RNF157: variants seen among roughly 807,000 people sequenced by gnomAD.
RNF157 encodes the protein ring finger protein 157.
Under a neutral mutation model 88.3 loss-of-function variants are expected in RNF157, and 55 were observed. The ratio of observed to expected loss-of-function variants is 0.62; its 90% CI spans 0.50 to 0.78. RNF157 has a LOEUF of 0.78. Among genes scored for constraint, RNF157 ranks in the 30% least tolerant of loss-of-function variants. The pLI, the probability that RNF157 is intolerant of heterozygous loss-of-function variation, is 0.00. For synonymous variants in RNF157, 334 were observed against 341.2 expected, an observed-to-expected ratio of 0.98 and a Z score of 0.23; for missense variants, 788 against 860.8, an observed-to-expected ratio of 0.92 and a Z score of 1.06.
Position 76,145,032 on chromosome 17 carries a change from C to A in RNF157, c.*203G>T. 1.9e-6 allele frequency: 1 copy of A among 533,452 alleles called. No individual in the cohort carries two copies. Among genetic ancestry groups the A allele is most frequent in the Non-Finnish European group, 3.3e-6 (1 of 300,750 alleles). The allele number at this position is 533,452 out of a possible 1,614,324, so 33.0% of individuals were successfully genotyped here. On this transcript the variant is annotated 3_prime_UTR_variant, in exon 19 of 19. Transcript: ENST00000269391. ...GCAAAAGGTCTCGTGAGCTGCAGTT[C>A]ATTGAGTGGCTTTAGGTCACACGGA...
At chr17:76,193,010 G>A (rs73360615) in intron 2 of RNF157, among the ~76,000 whole-genome samples, 3,792 of 151,998 alleles carry the variant, frequency 0.025, 154 homozygotes, top group African/African-American at 0.083. Flanking sequence ...TTGTAGAGAC[G>A]GGACCTCGCT....
intron 1 of RNF157, among the ~76,000 whole-genome samples, chr17:76,220,615 C>G (rs908040978): frequency 2.0e-5 from 3 of 151,878 alleles, no homozygotes; most frequent in African/African-American, 7.3e-5. Flanking sequence ...TTGAGACCAG[C>G]CGAGGCAACA....
chr17:76,152,301 AAGAGCAC>A, intron 18 of RNF157, 47 bp downstream of exon 18: 1 of 1,139,954 alleles, frequency 8.8e-7, no homozygotes. Flanking sequence ...GAGCAGGGGT[AAGAGCAC>A]AGGGATCGTC....
chr17:76,174,749 AAAC>A (rs1301125500), intron 2 of RNF157, among the ~76,000 whole-genome samples: 23 of 152,232 alleles, frequency 1.5e-4, no homozygotes, highest in Non-Finnish European at 1.5e-5. Context: ...TTTACTTGGG[AAAC>A]AATATAGTTA....
chr17:76,204,750 G>A (rs920102596), intron 2 of RNF157, among the ~76,000 whole-genome samples: 2 of 151,594 alleles, frequency 1.3e-5, no homozygotes, highest in African/African-American at 4.9e-5. Context: ...AAAGTACACT[G>A]TATGCATCTT....
chr17:76,223,254 C>G (rs2070020042), intron 1 of RNF157, among the ~76,000 whole-genome samples: 1 of 147,488 alleles, frequency 6.8e-6, no homozygotes, highest in South Asian at 2.3e-4. Context: ...GTAGTCCAAT[C>G]TCTGCTCGCT....
At chr17:76,218,890 C>T (rs1433191020) in intron 1 of RNF157, among the ~76,000 whole-genome samples, 1 of 151,904 alleles carries the variant, frequency 6.6e-6, no homozygotes, top group Non-Finnish European at 1.5e-5. Flanking sequence ...GCCAAGATCA[C>T]ACCACGGCAC....
chr17:76,167,864 A>C (rs1167398889), intron 3 of RNF157, 67 bp from the exon 4 acceptor site: 1 of 1,462,602 alleles, frequency 6.8e-7, no homozygotes, highest in Non-Finnish European at 9.4e-7. Context: ...CCTTTAAAAA[A>C]ATTAGCAATA....
In RNF157 at chr17:76,155,307, G is replaced by T; in HGVS notation, c.1709C>A (p.Ala570Glu). ...AGCAAAGTTGCTGTCTGGAGACTCC[G>T]CTGGCAGCCCCTGCAGAAGAGCACA... ...APSEEGEGLPAESPDSNFAGL... is the reference protein window; with the variant it reads ...APSEEGEGLPEESPDSNFAGL... The change falls in exon 16 of 19, where the codon GCG (alanine) becomes GAG (glutamate). Residue 570 changes from alanine (A) to glutamate (E), a missense_variant. Ala to Glu is a moderately radical substitution (Grantham distance 107). Transcript: ENST00000269391. The T allele has an allele frequency of 6.2e-7, 1 of 1,614,074 alleles. No individual in the cohort carries two copies. The highest frequency in any genetic ancestry group is 8.5e-7 in the Non-Finnish European group (1 of 1,179,896).
intron 2 of RNF157, among the ~76,000 whole-genome samples, chr17:76,186,287 C>G (rs2069285369): frequency 6.6e-6 from 1 of 151,924 alleles, no homozygotes; most frequent in South Asian, 2.1e-4. Flanking sequence ...GGGTGGATCA[C>G]CTGAGGTCAG....
At chr17:76,215,702 G>A (rs1268008159) in intron 1 of RNF157, among the ~76,000 whole-genome samples, 1 of 152,136 alleles carries the variant, frequency 6.6e-6, no homozygotes, top group Non-Finnish European at 1.5e-5. Flanking sequence ...ATAAAACAAT[G>A]TGGATAAAAT....
chr17:76,167,142 G>C lies in RNF157; in HGVS notation c.444-16C>G. The C allele has an allele frequency of 1.3e-6, 2 of 1,595,606 alleles. No homozygotes were observed. Among genetic ancestry groups the C allele is most frequent in the Non-Finnish European group, 1.7e-6 (2 of 1,164,978 alleles). On this transcript the variant is annotated splice_polypyrimidine_tract_variant and intron_variant, in intron 4 of 18. Transcript: ENST00000269391. Reference sequence around the variant, plus strand: ...GGGAATGTAGCTATTGATACAAGTGGGAGGCAAAGCAAAAGTCAGTATCCG... The same window carrying C: ...GGGAATGTAGCTATTGATACAAGTGCGAGGCAAAGCAAAAGTCAGTATCCG...
chr17:76,167,911 C>G (rs1695581795), intron 3 of RNF157, 114 bp from the exon 4 acceptor site: 1 of 1,002,746 alleles, frequency 1.0e-6, no homozygotes, highest in Non-Finnish European at 1.5e-6. Flanking sequence ...AAGCATAGGT[C>G]TACCTCTTCA....
chr17:76,149,802 G>T lies in RNF157; in HGVS notation c.1921+2553C>A, dbSNP rs760454160. Among the ~76,000 whole-genome samples, 5 of 152,168 alleles carry T rather than the reference G, an allele frequency of 3.3e-5. No individual in the cohort carries two copies. The South Asian group carries it at 1.0e-3, about 32-fold the overall frequency. ...TAATCTCAGCACTTTGGGGGGCCGA[G>T]GTGGGCAGATCACCTGAGGTCAGGA... On this transcript the variant is annotated intron_variant, in intron 18 of 18. Coordinates refer to ENST00000269391, the MANE Select transcript of RNF157 (RefSeq NM_052916.3).
rs74353882 is a variant in RNF157, at chr17:76,158,505, T to C, written c.1305-4A>G. The C allele has an allele frequency of 2.2e-4, 355 of 1,602,102 alleles. 2 individuals carry two copies. In the African/African-American group the frequency reaches 4.2e-3, roughly 19 times the overall value. ...GGAAGAGTTTTGGGAAGTGGATCTGTAGGAGTCCAGTGGAAAAGCAGCTAT... is the reference window on the plus strand; with the variant it reads ...GGAAGAGTTTTGGGAAGTGGATCTGCAGGAGTCCAGTGGAAAAGCAGCTAT... On this transcript the variant is annotated splice_region_variant and splice_polypyrimidine_tract_variant and intron_variant, in intron 12 of 18. Coordinates refer to ENST00000269391, the MANE Select transcript of RNF157 (RefSeq NM_052916.3).
intron 2 of RNF157, among the ~76,000 whole-genome samples, chr17:76,193,543 A>AC (rs2069421376): frequency 1.4e-5 from 2 of 139,400 alleles, no homozygotes; most frequent in South Asian, 4.9e-4. Flanking sequence ...TACCCCCACC[A>AC]CCCCCCACCC....
chr17:76,162,737 GA>G, intron 8 of RNF157, 114 bp from the exon 9 acceptor site: 5 of 603,752 alleles, frequency 8.3e-6, no homozygotes, highest in African/African-American at 2.0e-5. Flanking sequence ...TTCATAATGA[GA>G]AAAAAAATCA....
At chr17:76,238,083 C>T (rs1321008274) in intron 1 of RNF157, among the ~76,000 whole-genome samples, 1 of 140,274 alleles carries the variant, frequency 7.1e-6, no homozygotes. Context: ...GAGACGATGA[C>T]TCAAAAAAAA....
At chr17:76,218,218 A>C (rs528639783) in intron 1 of RNF157, among the ~76,000 whole-genome samples, 1 of 152,232 alleles carries the variant, frequency 6.6e-6, no homozygotes, top group Non-Finnish European at 1.5e-5. Flanking sequence ...TCAAAATTCT[A>C]GAGGGGAAGA....
Sources: allele counts gnomAD v4.1 joint callset (sites outside exome capture counted in the v4.1 genomes callset), GRCh38; gene constraint gnomAD v4.1.1; transcripts MANE v1.5; gene names NCBI Gene and HGNC (gene_info 2026-07-23, HGNC 2026-07-21).